Variants in CPNE4 observed in about 807,000 individuals in gnomAD.
The protein encoded by CPNE4 is copine-4.
A neutral mutation model predicts 67.9 loss-of-function variants in CPNE4; 25 were observed. The observed-to-expected ratio is 0.37, with a 90% CI of 0.27 to 0.51. The LOEUF is 0.51. CPNE4 is among the 20% of genes least tolerant of loss of function. CPNE4 has a pLI of 0.93. For missense variants in CPNE4, 464 were observed against 690.8 expected, an observed-to-expected ratio of 0.67 and a Z score of 3.68; for synonymous variants, 242 against 244.9, an observed-to-expected ratio of 0.99 and a Z score of 0.11.
At position 131,711,120 on chromosome 3, in the gene CPNE4, T is replaced by C. The variant is rs191831545; in HGVS notation, c.361-11140A>G. On this transcript the variant is annotated intron_variant, in intron 3 of 15. Transcript: ENST00000429747. ...AAGTGAGAGGGAACAGTGTTAATAA[T>C]TAAGCCATGATAGTAAGTGTAAACC... Among the ~76,000 whole-genome samples the C allele has an allele frequency of 1.4e-3, 217 of 152,298 alleles. 1 individual carries two copies. The highest frequency in any genetic ancestry group is 3.5e-4 in the Non-Finnish European group (24 of 68,024).
chr3:131,851,389 G>A (rs2086237036), intron 2 of CPNE4, among the ~76,000 whole-genome samples: 1 of 152,050 alleles, frequency 6.6e-6, no homozygotes, highest in Admixed American at 6.6e-5. Context: ...CTGTGTAACA[G>A]TTGGGCACAG....
intron 3 of CPNE4, among the ~76,000 whole-genome samples, chr3:131,701,225 C>A (rs7623538): frequency 6.6e-6 from 1 of 151,526 alleles, no homozygotes; most frequent in Non-Finnish European, 1.5e-5. Context: ...CACATGTACC[C>A]TAGAACTTAA....
intron 11 of CPNE4, among the ~76,000 whole-genome samples, chr3:131,558,433 G>GAAA (rs1043887779): frequency 6.6e-6 from 1 of 151,924 alleles, no homozygotes; most frequent in African/African-American, 2.4e-5. Context: ...CAACTGCTGG[G>GAAA]AAAATGACTG....
chr3:131,617,112 C>A (rs1031189257), intron 7 of CPNE4, among the ~76,000 whole-genome samples: 3 of 152,196 alleles, frequency 2.0e-5, no homozygotes, highest in African/African-American at 7.2e-5. Context: ...GGGAACTTAC[C>A]TTGCCTTTTC....
Position 131,542,581 on chromosome 3 carries a change from G to A in CPNE4, c.1515C>T (p.Phe505=), listed in dbSNP as rs267599608. Residue 505 remains phenylalanine (F), a synonymous_variant, in exon 15 of 16, where the codon TTC becomes TTT. Transcript: ENST00000429747. The part of the protein sequence containing the change: ...GEPVLRDIVQ[F]VPFRNFKHAS... ...CGTGTTTGAAGTTCCTGAAGGGCACGAACTGGACGATGTCTCGAAGAACAG... is the reference window on the plus strand; with the variant it reads ...CGTGTTTGAAGTTCCTGAAGGGCACAAACTGGACGATGTCTCGAAGAACAG... The A allele has an allele frequency of 2.8e-5, 45 of 1,613,812 alleles. No individual in the cohort carries two copies. In the Admixed American group the frequency reaches 4.3e-4, roughly 16 times the overall value.
At chr3:131,869,853 T>C (rs926991470) in intron 2 of CPNE4, among the ~76,000 whole-genome samples, 1 of 152,210 alleles carries the variant, frequency 6.6e-6, no homozygotes, top group East Asian at 1.9e-4. Context: ...TGTTTGGCAC[T>C]GTAAGTACCA....
rs145039965 is a variant in CPNE4, at chr3:132,030,227, G to C, written c.-2+4340C>G. ...CCAGGGAACTTGAGTTTCTTTATGAGGGGAGTAATCAGAAGGGTTGTTGAA... is the reference window on the plus strand; with the variant it reads ...CCAGGGAACTTGAGTTTCTTTATGACGGGAGTAATCAGAAGGGTTGTTGAA... On this transcript the variant is annotated intron_variant, in intron 1 of 15. Transcript: ENST00000429747. Among the ~76,000 whole-genome samples, 1,060 of 152,330 alleles carry C rather than the reference G, an allele frequency of 7.0e-3. 15 individuals are homozygous for C. Among genetic ancestry groups the C allele is most frequent in the African/African-American group, 0.024 (1,003 of 41,570 alleles).
intron 12 of CPNE4, among the ~76,000 whole-genome samples, chr3:131,553,041 A>G (rs1305861386): frequency 3.3e-5 from 5 of 152,104 alleles, no homozygotes; most frequent in African/African-American, 1.2e-4. Context: ...ACTTTTGGAA[A>G]CATAGTAAAG....
chr3:131,704,996 G>C (rs2081383426), intron 3 of CPNE4, among the ~76,000 whole-genome samples: 1 of 152,028 alleles, frequency 6.6e-6, no homozygotes, highest in South Asian at 2.1e-4. Context: ...AGAGACACCT[G>C]ATCATGCACA....
At chr3:131,630,973 C>T (rs900188132) in intron 7 of CPNE4, among the ~76,000 whole-genome samples, 6 of 152,238 alleles carry the variant, frequency 3.9e-5, no homozygotes, top group South Asian at 4.2e-4. Context: ...ACCTCAGCTT[C>T]GAGAGAAGTC....
At chr3:131,688,711 C>T (rs542440922) in intron 5 of CPNE4, among the ~76,000 whole-genome samples, 1 of 152,010 alleles carries the variant, frequency 6.6e-6, no homozygotes, top group African/African-American at 2.4e-5. Context: ...ACTTTTGTTA[C>T]CATCACTTTT....
At position 131,712,280 on chromosome 3, in the gene CPNE4, T is replaced by C. The variant is rs192394519; in HGVS notation, c.360+11166A>G. Reference sequence around the variant, plus strand: ...CCTTTTAGAAATACAAAAGCACAGATGTAATTTCCTACATCATCTATAATC... The same window carrying C: ...CCTTTTAGAAATACAAAAGCACAGACGTAATTTCCTACATCATCTATAATC... On this transcript the variant is annotated intron_variant, in intron 3 of 15. Coordinates refer to ENST00000429747, the MANE Select transcript of CPNE4 (RefSeq NM_130808.3). Among the ~76,000 whole-genome samples, 295 of 152,338 alleles carry C rather than the reference T, an allele frequency of 1.9e-3. 2 individuals carry two copies. Among genetic ancestry groups the C allele is most frequent in the Non-Finnish European group, 3.2e-4 (22 of 68,036 alleles).
At chr3:131,792,617 A>ATGTG (rs1292989984) in intron 2 of CPNE4, among the ~76,000 whole-genome samples, 1 of 99,156 alleles carries the variant, frequency 1.0e-5, no homozygotes, top group African/African-American at 4.1e-5. Flanking sequence ...GTGTGTATAT[A>ATGTG]TGTATATATA....
chr3:131,836,490 C>G (rs1318079892), intron 2 of CPNE4, among the ~76,000 whole-genome samples: 1 of 152,166 alleles, frequency 6.6e-6, no homozygotes, highest in African/African-American at 2.4e-5. Context: ...AAATAACCTA[C>G]AGCTAACATT....
intron 1 of CPNE4, among the ~76,000 whole-genome samples, chr3:132,018,291 TG>T (rs2073927874): frequency 6.6e-6 from 1 of 152,178 alleles, no homozygotes; most frequent in Non-Finnish European, 1.5e-5. Context: ...CACAATTATG[TG>T]GGCTTGATTT....
intron 2 of CPNE4, among the ~76,000 whole-genome samples, chr3:131,900,535 T>C (rs9872712): frequency 0.2 from 31,072 of 152,066 alleles, 3,868 homozygotes; most frequent in Non-Finnish European, 0.27. Context: ...TTTCATGTAG[T>C]GTCCTCTTTC....
At chr3:131,543,100 G>A (rs569231186) in intron 14 of CPNE4, 30 of 272,740 alleles carry the variant, frequency 1.1e-4, no homozygotes, top group African/African-American at 5.7e-4. Context: ...ACCCTGGGAC[G>A]ATCCCTTAAC....
intron 7 of CPNE4, among the ~76,000 whole-genome samples, chr3:131,623,630 T>C (rs1029406652): frequency 7.9e-5 from 12 of 152,244 alleles, no homozygotes; most frequent in African/African-American, 2.9e-4. Flanking sequence ...GTCAAGGCTG[T>C]TGTTATTCAA....
At chr3:131,715,901 T>C (rs554010255) in intron 3 of CPNE4, among the ~76,000 whole-genome samples, 2 of 152,284 alleles carry the variant, frequency 1.3e-5, no homozygotes, top group African/African-American at 2.4e-5. Context: ...TTGATTTCTT[T>C]TGGGCAACAG....
Sources: allele counts gnomAD v4.1 joint callset (sites outside exome capture counted in the v4.1 genomes callset), GRCh38; gene constraint gnomAD v4.1.1; transcripts MANE v1.5; gene names NCBI Gene and HGNC (gene_info 2026-07-23, HGNC 2026-07-21).